The following TMPRSS7 variants were observed in gnomAD, a reference collection of about 807,000 sequenced individuals.
TMPRSS7 encodes transmembrane serine protease 7.
Under a neutral mutation model 95.6 loss-of-function variants are expected in TMPRSS7, and 81 were observed. That is an observed-to-expected ratio of 0.85 (90% CI 0.71 to 1.02). TMPRSS7 has a LOEUF of 1.02. Among genes scored for constraint, TMPRSS7 ranks in the 50% least tolerant of loss-of-function variants. The probability of loss-of-function intolerance (pLI) is 0.00; values close to 1 mark genes in which losing one functional copy is unlikely to be tolerated. For missense variants in TMPRSS7, 945 were observed against 955.2 expected, an observed-to-expected ratio of 0.99 and a Z score of 0.14; for synonymous variants, 364 against 337.8, an observed-to-expected ratio of 1.08 and a Z score of -0.85.
intron 12 of TMPRSS7, 39 bp from the exon 13 acceptor site, chr3:112,066,353 T>G (rs780284864): frequency 3.1e-6 from 5 of 1,588,428 alleles, no homozygotes; most frequent in Admixed American, 3.3e-5. Context: ...AGCTGGTGTC[T>G]CAGGCTCGTG....
chr3:112,037,985 T>G, intron 1 of TMPRSS7, 87 bp from the exon 2 acceptor site: 1 of 646,552 alleles, frequency 1.5e-6, no homozygotes, highest in Non-Finnish European at 2.8e-6. Flanking sequence ...TTAGGCCTTT[T>G]AGTACCAACA....
intron 11 of TMPRSS7, 90 bp downstream of exon 11, chr3:112,062,013 A>C: frequency 1.0e-6 from 1 of 987,148 alleles, no homozygotes; most frequent in Non-Finnish European, 1.4e-6. Context: ...TTAAGAAATG[A>C]ATACTGCTTT....
At chr3:112,037,499 T>A (rs2073158116) in intron 1 of TMPRSS7, among the ~76,000 whole-genome samples, 1 of 152,226 alleles carries the variant, frequency 6.6e-6, no homozygotes, top group Non-Finnish European at 1.5e-5. Flanking sequence ...CAGCAGGATG[T>A]GGACCTTCAT....
intron 4 of TMPRSS7, among the ~76,000 whole-genome samples, chr3:112,045,009 A>C (rs538144388): frequency 1.3e-5 from 2 of 152,310 alleles, no homozygotes; most frequent in Non-Finnish European, 2.9e-5. Context: ...TAGCTATGTG[A>C]CTTGGAGTTG....
chr3:112,068,783 C>T (rs564956056), intron 13 of TMPRSS7, among the ~76,000 whole-genome samples: 1 of 152,282 alleles, frequency 6.6e-6, no homozygotes, highest in Non-Finnish European at 1.5e-5. Context: ...GGCAATTTGA[C>T]TTCCTCTTTT....
chr3:112,055,537 A>G (rs546595105), intron 9 of TMPRSS7, among the ~76,000 whole-genome samples: 1 of 152,256 alleles, frequency 6.6e-6, no homozygotes, highest in East Asian at 1.9e-4. Context: ...AATACAAGTA[A>G]TGGGTAAAAT....
At chr3:112,076,738 G>A (rs544263436) in intron 15 of TMPRSS7, 138 bp from the exon 16 acceptor site, 29 of 1,027,448 alleles carry the variant, frequency 2.8e-5, no homozygotes, top group East Asian at 1.9e-4. Flanking sequence ...CATGGTCCCC[G>A]GACAAAGCCA....
intron 13 of TMPRSS7, among the ~76,000 whole-genome samples, chr3:112,068,832 T>A (rs2073607780): frequency 6.6e-6 from 1 of 152,194 alleles, no homozygotes; most frequent in African/African-American, 2.4e-5. Context: ...TCTGCCTGAT[T>A]GCCCTGGCCA....
chr3:112,042,090 T>C (rs2073216779), intron 3 of TMPRSS7, 40 bp downstream of exon 3: 1 of 1,519,738 alleles, frequency 6.6e-7, no homozygotes, highest in Non-Finnish European at 8.9e-7. Flanking sequence ...GTAGAGTGGG[T>C]TTGCGGGGAG....
intron 10 of TMPRSS7, among the ~76,000 whole-genome samples, chr3:112,060,423 A>G (rs2073486957): frequency 6.6e-6 from 1 of 152,186 alleles, no homozygotes. Context: ...TTTCATCCCT[A>G]CAGTCTCGAT....
chr3:112,063,006 T>C (rs2073530006), intron 11 of TMPRSS7, among the ~76,000 whole-genome samples: 1 of 152,300 alleles, frequency 6.6e-6, no homozygotes, highest in Admixed American at 6.5e-5. Context: ...AAGTAATCTC[T>C]CTAGGTCCAA....
chr3:112,038,135 T>G, exon 2 of TMPRSS7: 1 of 702,784 alleles, frequency 1.4e-6, no homozygotes, highest in Non-Finnish European at 2.6e-6. Context: ...ACGACCACCG[T>G]TGCCAGGGAG....
At chr3:112,045,305 G>A (rs1300443434) in intron 4 of TMPRSS7, among the ~76,000 whole-genome samples, 1 of 152,254 alleles carries the variant, frequency 6.6e-6, no homozygotes, top group East Asian at 1.9e-4. Context: ...CTGCCAGTAT[G>A]CCTGGCTAAT....
At chr3:112,074,175 G>A (rs1017671963) in intron 13 of TMPRSS7, 121 bp from the exon 14 acceptor site, 5 of 673,698 alleles carry the variant, frequency 7.4e-6, no homozygotes, top group Admixed American at 7.3e-5. Flanking sequence ...TCCCAGAGCA[G>A]CAAATACCAA....
intron 2 of TMPRSS7, 91 bp from the exon 3 acceptor site, chr3:112,041,829 T>G: frequency 1.2e-6 from 1 of 825,776 alleles, no homozygotes; most frequent in Non-Finnish European, 1.9e-6. Flanking sequence ...ATAAAATTAT[T>G]TTAGGAGCCT....
At chr3:112,043,950 T>G (rs935385725) in intron 3 of TMPRSS7, among the ~76,000 whole-genome samples, 1 of 152,216 alleles carries the variant, frequency 6.6e-6, no homozygotes, top group Admixed American at 6.5e-5. Context: ...ATTTGTTAAC[T>G]GTGGGGAAAA....
chr3:112,052,376 T>C (rs2073375672), intron 9 of TMPRSS7, among the ~76,000 whole-genome samples: 1 of 151,914 alleles, frequency 6.6e-6, no homozygotes, highest in South Asian at 2.1e-4. Flanking sequence ...TTTTTTTTTG[T>C]GCATAGTCAT....
intron 17 of TMPRSS7, among the ~76,000 whole-genome samples, chr3:112,079,526 T>A (rs1026933156): frequency 6.6e-6 from 1 of 152,112 alleles, no homozygotes; most frequent in Non-Finnish European, 1.5e-5. Context: ...ATCATGAGAT[T>A]TTTTTTTGCA....
downstream of TMPRSS7, chr3:112,081,187 C>G: frequency 8.8e-7 from 1 of 1,134,682 alleles, no homozygotes; most frequent in Non-Finnish European, 1.2e-6. Flanking sequence ...AATCCCAGCA[C>G]GTTGGGAGGC....
Sources: allele counts gnomAD v4.1 joint callset (sites outside exome capture counted in the v4.1 genomes callset), GRCh38; gene constraint gnomAD v4.1.1; transcripts MANE v1.5; gene names NCBI Gene and HGNC (gene_info 2026-07-23, HGNC 2026-07-21).